Variants in PABPC4L observed in about 807,000 individuals in gnomAD.
PABPC4L encodes polyadenylate-binding protein 4-like.
For missense variants in PABPC4L, 452 were observed against 451.4 expected, an observed-to-expected ratio of 1.00 and a Z score of -0.01; for synonymous variants, 169 against 164.1, an observed-to-expected ratio of 1.03 and a Z score of -0.23.
At chr4:134,133,039 A>T in the PABPC4L span, among the ~76,000 whole-genome samples, 1 of 138,620 alleles carries the variant, frequency 7.2e-6, no homozygotes, top group African/African-American at 2.7e-5. Flanking sequence ...AATATATTTC[A>T]TACATTATAT....
chr4:134,032,227 A>C, the PABPC4L span, among the ~76,000 whole-genome samples: 1 of 151,894 alleles, frequency 6.6e-6, no homozygotes, highest in African/African-American at 2.4e-5. Flanking sequence ...TGATTGTTAA[A>C]AAATAAAAAT....
At chr4:134,031,194 T>C in the PABPC4L span, among the ~76,000 whole-genome samples, 28,563 of 151,992 alleles carry the variant, frequency 0.19, 3,337 homozygotes, top group Middle Eastern at 0.26. Flanking sequence ...ATATCTGTTA[T>C]AGTTTATAGT....
the PABPC4L span, among the ~76,000 whole-genome samples, chr4:133,971,239 G>A: frequency 2.7e-5 from 4 of 149,958 alleles, no homozygotes; most frequent in Non-Finnish European, 5.9e-5. Context: ...AGCCTCCGGA[G>A]TAGCTAAGAC....
chr4:134,059,386 CTATA>C, the PABPC4L span, among the ~76,000 whole-genome samples: 72 of 142,530 alleles, frequency 5.1e-4, no homozygotes, highest in African/African-American at 9.5e-4. Flanking sequence ...AGGAAACAAA[CTATA>C]TATATATATA....
At chr4:134,175,483 C>G in the PABPC4L span, among the ~76,000 whole-genome samples, 1 of 151,840 alleles carries the variant, frequency 6.6e-6, no homozygotes, top group Admixed American at 6.6e-5. Context: ...GGGTCTCGCT[C>G]TGTCGCCCAG....
the PABPC4L span, among the ~76,000 whole-genome samples, chr4:134,162,597 T>C: frequency 6.6e-6 from 1 of 152,106 alleles, no homozygotes. Context: ...TTCTTCAAGA[T>C]AGACAATATG....
At chr4:134,161,894 GT>G in the PABPC4L span, among the ~76,000 whole-genome samples, 994 of 152,074 alleles carry the variant, frequency 6.5e-3, 10 homozygotes, top group African/African-American at 0.022. Flanking sequence ...TATAAATAGA[GT>G]CAACAAATAA....
chr4:134,028,881 T>G, the PABPC4L span, among the ~76,000 whole-genome samples: 15 of 152,218 alleles, frequency 9.9e-5, no homozygotes, highest in South Asian at 2.1e-4. Context: ...AAGAAAAAAT[T>G]ATTTTTGTCA....
At chr4:133,961,534 G>A in the PABPC4L span, among the ~76,000 whole-genome samples, 1 of 152,168 alleles carries the variant, frequency 6.6e-6, no homozygotes, top group African/African-American at 2.4e-5. Flanking sequence ...TCTATCACCT[G>A]AGAGCACAGG....
At chr4:134,110,562 TGTGTGTGTG>T in the PABPC4L span, among the ~76,000 whole-genome samples, 1 of 226 alleles carries the variant, frequency 4.4e-3, no homozygotes, top group Non-Finnish European at 8.1e-3. Context: ...CTCTGTCTTG[TGTGTGTGTG>T]TGTGTGTGTG....
chr4:133,951,134 A>G, the PABPC4L span, among the ~76,000 whole-genome samples: 1 of 152,108 alleles, frequency 6.6e-6, no homozygotes, highest in East Asian at 1.9e-4. Flanking sequence ...CATTAATGAC[A>G]ACATAGCCAT....
At chr4:134,201,359 T>TAGGG in intron 1 of PABPC4L, 114 bp from the exon 2 acceptor site, 1 of 1,151,818 alleles carries the variant, frequency 8.7e-7, no homozygotes, top group Non-Finnish European at 1.1e-6. Context: ...ACAGACGCCC[T>TAGGG]GGTCGCTGGT....
chr4:134,169,076 T>A, the PABPC4L span, among the ~76,000 whole-genome samples: 1 of 151,972 alleles, frequency 6.6e-6, no homozygotes, highest in East Asian at 1.9e-4. Context: ...CAAACTGAAT[T>A]CAACAACTAT....
chr4:134,127,420 C>T, the PABPC4L span, among the ~76,000 whole-genome samples: 1 of 152,092 alleles, frequency 6.6e-6, no homozygotes, highest in Non-Finnish European at 1.5e-5. Context: ...GCTACCTCCA[C>T]CAGAGTAGGT....
chr4:134,090,320 C>T, the PABPC4L span, among the ~76,000 whole-genome samples: 1 of 152,094 alleles, frequency 6.6e-6, no homozygotes, highest in Admixed American at 6.6e-5. Context: ...ATAATTCAAA[C>T]ATGTTATATA....
the PABPC4L span, among the ~76,000 whole-genome samples, chr4:133,980,709 A>T: frequency 6.6e-6 from 1 of 152,164 alleles, no homozygotes; most frequent in African/African-American, 2.4e-5. Context: ...GTTAACAGGA[A>T]ATTTGGGGAA....
chr4:134,156,817 C>T, the PABPC4L span, among the ~76,000 whole-genome samples: 12 of 151,806 alleles, frequency 7.9e-5, no homozygotes, highest in South Asian at 1.7e-3. Flanking sequence ...CCAAGCCAGT[C>T]CTTTTTAAAA....
At chr4:134,014,391 C>G in the PABPC4L span, among the ~76,000 whole-genome samples, 1 of 152,156 alleles carries the variant, frequency 6.6e-6, no homozygotes, top group Admixed American at 6.5e-5. Flanking sequence ...TTCCAAACAC[C>G]TAAACCGCAG....
the PABPC4L span, among the ~76,000 whole-genome samples, chr4:133,989,664 T>C: frequency 1.3e-5 from 2 of 152,108 alleles, no homozygotes; most frequent in Non-Finnish European, 2.9e-5. Flanking sequence ...TTCTGAGCCC[T>C]CCAAACTGTT....
Sources: gnomAD v4.1 joint callset for allele counts (sites outside exome capture counted in the v4.1 genomes callset) on GRCh38, gnomAD v4.1.1 for gene constraint, MANE v1.5 for transcripts, NCBI Gene and HGNC (gene_info 2026-07-23, HGNC 2026-07-21) for gene names.